Variants in NRG2 observed in about 807,000 individuals in gnomAD.
NRG2 encodes the protein pro-neuregulin-2, membrane-bound isoform.
Under a neutral mutation model 73.9 loss-of-function variants are expected in NRG2, and 27 were observed. The ratio of observed to expected loss-of-function variants is 0.37; its 90% confidence interval spans 0.27 to 0.50. The LOEUF is 0.50. NRG2 is among the 20% of genes least tolerant of loss of function. The pLI, the probability that NRG2 is intolerant of heterozygous loss-of-function variation, is 0.96. For missense variants in NRG2, 1,126 were observed against 1,210.1 expected (o/e 0.93, Z 1.03); for synonymous variants, 532 against 541.0 (o/e 0.98, Z 0.23).
intron 1 of NRG2, among the ~76,000 whole-genome samples, chr5:139,963,821 C>T (rs1755263861): frequency 6.6e-6 from 1 of 152,162 alleles, no homozygotes; most frequent in African/African-American, 2.4e-5. Context: ...TAACCCCAAG[C>T]CCCACCCCAG....
At chr5:139,929,758 C>G (rs1270695855) in intron 1 of NRG2, among the ~76,000 whole-genome samples, 1 of 152,196 alleles carries the variant, frequency 6.6e-6, no homozygotes, top group Admixed American at 6.5e-5. Context: ...TCTCGGCAGG[C>G]CCTCCAACAG....
chr5:139,910,664 G>A (rs372948473), intron 1 of NRG2, among the ~76,000 whole-genome samples: 6 of 152,096 alleles, frequency 3.9e-5, no homozygotes, highest in Admixed American at 6.5e-5. Context: ...GTGATTAGCC[G>A]CACCACCTTG....
At chr5:140,012,869 C>T (rs1232507338) in intron 1 of NRG2, among the ~76,000 whole-genome samples, 5 of 152,186 alleles carry the variant, frequency 3.3e-5, no homozygotes, top group Admixed American at 6.5e-5. Context: ...CAACCCAGTA[C>T]CTGTGCCCAT....
intron 1 of NRG2, among the ~76,000 whole-genome samples, chr5:139,972,053 T>C (rs1177455235): frequency 6.6e-6 from 1 of 152,176 alleles, no homozygotes. Context: ...TGGAACATAA[T>C]ATAAAGCCAA....
intron 1 of NRG2, among the ~76,000 whole-genome samples, chr5:139,963,119 G>GA (rs1755209257): frequency 6.6e-6 from 1 of 152,212 alleles, no homozygotes; most frequent in South Asian, 2.1e-4. Flanking sequence ...AATAAATAGT[G>GA]AATAAATGAA....
At chr5:139,877,246 G>A (rs954121612) in intron 3 of NRG2, among the ~76,000 whole-genome samples, 5 of 152,220 alleles carry the variant, frequency 3.3e-5, no homozygotes, top group African/African-American at 1.2e-4. Flanking sequence ...GAAGGCAGGA[G>A]CCTCTTGTGA....
chr5:139,966,134 G>A (rs544874735), intron 1 of NRG2, among the ~76,000 whole-genome samples: 2 of 152,126 alleles, frequency 1.3e-5, no homozygotes, highest in South Asian at 2.1e-4. Context: ...CTGAACCAAT[G>A]AATGGTCTCT....
chr5:139,949,557 C>T (rs1167538670), intron 1 of NRG2, among the ~76,000 whole-genome samples: 2 of 152,128 alleles, frequency 1.3e-5, no homozygotes, highest in African/African-American at 2.4e-5. Flanking sequence ...TTTTGATGTA[C>T]GTCTTGTCAG....
chr5:140,034,580 G>A (rs1018222553), intron 1 of NRG2, among the ~76,000 whole-genome samples: 5 of 151,936 alleles, frequency 3.3e-5, no homozygotes, highest in Admixed American at 3.3e-4. Flanking sequence ...TATGTACATA[G>A]AAAATCCCGA....
intron 4 of NRG2, among the ~76,000 whole-genome samples, chr5:139,867,384 G>A (rs1006101406): frequency 1.3e-5 from 2 of 152,080 alleles, no homozygotes; most frequent in Non-Finnish European, 2.9e-5. Flanking sequence ...AGTGGCATGG[G>A]TGGGAAGAGG....
chr5:140,011,804 T>C (rs183306355), intron 1 of NRG2, among the ~76,000 whole-genome samples: 6 of 152,346 alleles, frequency 3.9e-5, no homozygotes, highest in Admixed American at 2.0e-4. Context: ...AGAAAATAAA[T>C]GTTTGTTGTT....
intron 1 of NRG2, among the ~76,000 whole-genome samples, chr5:139,991,428 G>T (rs189084429): frequency 4.0e-5 from 6 of 151,846 alleles, no homozygotes; most frequent in Non-Finnish European, 7.4e-5. Flanking sequence ...TAAGTTATGG[G>T]GTGTTTTTTA....
intron 1 of NRG2, among the ~76,000 whole-genome samples, chr5:139,937,082 G>GT (rs1317073788): frequency 1.7e-4 from 26 of 152,344 alleles, no homozygotes; most frequent in African/African-American, 6.0e-4. Flanking sequence ...GATTGCAGGC[G>GT]TGAGCCACCG....
intron 5 of NRG2, among the ~76,000 whole-genome samples, chr5:139,857,868 C>T (rs973158538): frequency 1.3e-5 from 2 of 152,142 alleles, no homozygotes; most frequent in African/African-American, 4.8e-5. Flanking sequence ...CCTCGCAGCT[C>T]TGCTTCCCAA....
intron 5 of NRG2, among the ~76,000 whole-genome samples, chr5:139,863,196 A>G (rs995790222): frequency 1.3e-5 from 2 of 152,244 alleles, no homozygotes; most frequent in African/African-American, 4.8e-5. Flanking sequence ...TTGAGAAGTT[A>G]AAGAGGCCCC....
At chr5:139,953,448 G>A (rs1395109872) in intron 1 of NRG2, among the ~76,000 whole-genome samples, 1 of 152,088 alleles carries the variant, frequency 6.6e-6, no homozygotes, top group African/African-American at 2.4e-5. Flanking sequence ...TACGCCTCTT[G>A]TCCCCACTCC....
Position 139,851,907 on chromosome 5 carries a change from T to G in NRG2, c.1545-76A>C, listed in dbSNP as rs546775223. On this transcript the variant is annotated intron_variant, in intron 8 of 9. Coordinates refer to ENST00000361474, the MANE Select transcript of NRG2 (RefSeq NM_004883.3). This position sits in a 1 kb window ranked among gnomAD's most constrained non-coding sequence, Gnocchi z 4.2. ...CCCAGCAGGTGTGGTCCCATGGACC[T>G]CCCTGGCTCTTCTTCCACCTCGAGC... 272 of 1,258,210 alleles carry G rather than the reference T, an allele frequency of 2.2e-4. 3 individuals carry two copies. In the East Asian group the frequency reaches 6.3e-3, roughly 29 times the overall value. The allele number at this position is 1,258,210 out of a possible 1,614,324, so 77.9% of individuals were successfully genotyped here. A position where few individuals can be genotyped will look rare whatever the true frequency, so the allele number is the denominator to read the frequency against.
rs751313846 is a variant in NRG2, at chr5:139,887,517, G to A, written c.701-6C>T. 1 of 1,613,694 alleles carries A rather than the reference G, an allele frequency of 6.2e-7. No individual in the cohort carries two copies. The highest frequency in any genetic ancestry group is 8.5e-7 in the Non-Finnish European group (1 of 1,179,880). The stretch of plus-strand genomic sequence containing the variant: ...CTTCAACTTGGGCCGGGTGGCTGTG[G>A]GTTACAAGGCAGGTAGGTGAGCACG... On this transcript the variant is annotated splice_region_variant and splice_polypyrimidine_tract_variant and intron_variant, in intron 1 of 9. Transcript: ENST00000361474. The surrounding 1 kb of genome is among the most constrained non-coding windows in gnomAD (Gnocchi z 4.5).
intron 1 of NRG2, among the ~76,000 whole-genome samples, chr5:140,005,644 C>G (rs962062133): frequency 1.3e-5 from 2 of 152,220 alleles, no homozygotes; most frequent in Non-Finnish European, 2.9e-5. Flanking sequence ...CCGTCAAAAT[C>G]ATGTCCAGAA....
Sources: allele counts gnomAD v4.1 joint callset (sites outside exome capture counted in the v4.1 genomes callset), GRCh38; gene constraint gnomAD v4.1.1; non-coding constraint Gnocchi (gnomAD v3.1); transcripts MANE v1.5; gene names NCBI Gene and HGNC (gene_info 2026-07-23, HGNC 2026-07-21).